Variants in CTNND2 observed in about 807,000 individuals in gnomAD.
CTNND2 encodes the protein catenin delta-2.
A neutral mutation model predicts 144.4 loss-of-function variants in CTNND2; 22 were observed. The ratio of observed to expected loss-of-function variants is 0.15; its 90% CI spans 0.11 to 0.22. The LOEUF is 0.22. Among genes scored for constraint, CTNND2 ranks in the 10% least tolerant of loss-of-function variants. The pLI is 1.00. For synonymous variants in CTNND2, 751 were observed against 695.6 expected, an observed-to-expected ratio of 1.08 and a Z score of -1.25; for missense variants, 1,353 against 1,618.8, an observed-to-expected ratio of 0.84 and a Z score of 2.82.
chr5:11,228,147 G>A (rs573134086), intron 10 of CTNND2, among the ~76,000 whole-genome samples: 1 of 152,032 alleles, frequency 6.6e-6, no homozygotes, highest in Admixed American at 6.5e-5. Flanking sequence ...TTCATGACCA[G>A]CCTGGCCAAC....
chr5:11,747,213 G>A (rs115393210), intron 1 of CTNND2, among the ~76,000 whole-genome samples: 1 of 152,064 alleles, frequency 6.6e-6, no homozygotes, highest in African/African-American at 2.4e-5. Context: ...AAGCTACAGG[G>A]ACACTTATCC....
intron 9 of CTNND2, among the ~76,000 whole-genome samples, chr5:11,302,054 G>GCTGGAGCTGAC (rs1749668557): frequency 6.6e-6 from 1 of 151,986 alleles, no homozygotes; most frequent in Admixed American, 6.5e-5. Context: ...CTGGAGCTGA[G>GCTGGAGCTGAC]AGGTAACTGT....
intron 9 of CTNND2, among the ~76,000 whole-genome samples, chr5:11,303,932 A>G (rs1438204310): frequency 2.0e-5 from 3 of 152,126 alleles, no homozygotes; most frequent in South Asian, 2.1e-4. Context: ...TGTTCTCATG[A>G]TAGTGAATAA....
At chr5:11,290,986 T>C (rs1748284562) in intron 9 of CTNND2, among the ~76,000 whole-genome samples, 1 of 152,118 alleles carries the variant, frequency 6.6e-6, no homozygotes, top group Non-Finnish European at 1.5e-5. Context: ...GGAGTCTTCA[T>C]AGAGGAAATC....
chr5:11,302,548 T>C (rs1580844211), intron 9 of CTNND2, among the ~76,000 whole-genome samples: 2 of 152,114 alleles, frequency 1.3e-5, no homozygotes, highest in Admixed American at 1.3e-4. Context: ...GCATGTGGGA[T>C]TAAGAATTGA....
At chr5:11,069,659 GAGAGAC>G (rs759243723) in intron 16 of CTNND2, among the ~76,000 whole-genome samples, 7 of 39,272 alleles carry the variant, frequency 1.8e-4, no homozygotes, top group African/African-American at 5.1e-4. Context: ...AAGAGAGAGA[GAGAGAC>G]AGACAGACAG....
chr5:11,404,599 A>ATTTTTTTTTTT (rs1405789135), intron 5 of CTNND2, among the ~76,000 whole-genome samples: 4 of 32,766 alleles, frequency 1.2e-4, no homozygotes, highest in Non-Finnish European at 3.9e-4. Context: ...CAGTATCTGT[A>ATTTTTTTTTTT]TTCTTTTTTT....
intron 2 of CTNND2, among the ~76,000 whole-genome samples, chr5:11,691,623 G>A (rs1784913735): frequency 6.6e-6 from 1 of 152,050 alleles, no homozygotes; most frequent in Non-Finnish European, 1.5e-5. Context: ...AAAGTAAGAA[G>A]CAAGTTGGGG....
chr5:11,183,463 G>C (rs1735307760), intron 11 of CTNND2, among the ~76,000 whole-genome samples: 2 of 152,026 alleles, frequency 1.3e-5, no homozygotes, highest in African/African-American at 4.8e-5. Context: ...AAGTAGAGAG[G>C]ATGGCATCGA....
intron 2 of CTNND2, among the ~76,000 whole-genome samples, chr5:11,648,171 A>G (rs1051435975): frequency 3.1e-5 from 4 of 130,144 alleles, no homozygotes; most frequent in African/African-American, 1.4e-4. Flanking sequence ...GAGAACAGTG[A>G]CTTTTTTTTT....
At position 11,397,190 on chromosome 5, in the gene CTNND2, G is replaced by C; in HGVS notation, c.453C>G (p.Leu151=). Residue 151 remains leucine (L), a synonymous_variant, in exon 6 of 22, where the codon CTC becomes CTG. Coordinates refer to ENST00000304623, the MANE Select transcript of CTNND2 (RefSeq NM_001332.4). ...DYSTGERPSL[L]SQSALQLNSK... ...AATTGAGCTGAAGTGCACTCTGGGA[G>C]AGCAGGCTGGGCCCTGCATTGAAAG... 1.2e-6 allele frequency: 2 copies of C among 1,614,110 alleles called. No individual in the cohort carries two copies. The highest frequency in any genetic ancestry group is 1.7e-6 in the Non-Finnish European group (2 of 1,179,958).
chr5:11,588,407 T>G (rs902245218), intron 2 of CTNND2, among the ~76,000 whole-genome samples: 1 of 152,200 alleles, frequency 6.6e-6, no homozygotes, highest in Non-Finnish European at 1.5e-5. Flanking sequence ...ATCATAACTT[T>G]CATAAAATCT....
At chr5:11,166,409 C>T (rs532317843) in intron 11 of CTNND2, among the ~76,000 whole-genome samples, 46 of 151,640 alleles carry the variant, frequency 3.0e-4, no homozygotes, top group Admixed American at 6.6e-4. Flanking sequence ...CCACCACGCC[C>T]GGCTAAATTT....
At chr5:11,348,496 T>C (rs1273887085) in intron 8 of CTNND2, among the ~76,000 whole-genome samples, 1 of 148,824 alleles carries the variant, frequency 6.7e-6, no homozygotes, top group Non-Finnish European at 1.5e-5. Context: ...TTTTCATAGA[T>C]GTGCATTTTT....
At chr5:11,667,530 T>C (rs994658291) in intron 2 of CTNND2, among the ~76,000 whole-genome samples, 5 of 152,198 alleles carry the variant, frequency 3.3e-5, no homozygotes, top group African/African-American at 4.8e-5. Flanking sequence ...TGATGAGCAT[T>C]TTTTCATATG....
intron 11 of CTNND2, among the ~76,000 whole-genome samples, chr5:11,179,985 T>A (rs1331955442): frequency 6.6e-6 from 1 of 152,178 alleles, no homozygotes; most frequent in Non-Finnish European, 1.5e-5. Flanking sequence ...TGACCTTCAT[T>A]GAGGGATCGC....
At chr5:11,494,275 T>A (rs1769726365) in intron 3 of CTNND2, among the ~76,000 whole-genome samples, 1 of 152,134 alleles carries the variant, frequency 6.6e-6, no homozygotes, top group South Asian at 2.1e-4. Context: ...TGTTATATAA[T>A]CAAACATGAT....
intron 3 of CTNND2, among the ~76,000 whole-genome samples, chr5:11,517,666 A>G: frequency 6.6e-6 from 1 of 152,092 alleles, no homozygotes; most frequent in East Asian, 1.9e-4. Flanking sequence ...ACAAATACAT[A>G]ACGCATGCAG....
At chr5:11,723,384 G>A (rs1786796386) in intron 2 of CTNND2, among the ~76,000 whole-genome samples, 1 of 152,064 alleles carries the variant, frequency 6.6e-6, no homozygotes, top group South Asian at 2.1e-4. Flanking sequence ...AGAAAAAATT[G>A]CAATTTGGGG....
Sources: gnomAD v4.1 joint callset for allele counts (sites outside exome capture counted in the v4.1 genomes callset) on GRCh38, gnomAD v4.1.1 for gene constraint, MANE v1.5 for transcripts, NCBI Gene and HGNC (gene_info 2026-07-23, HGNC 2026-07-21) for gene names.